TMBIM1: variants seen among roughly 807,000 people sequenced by gnomAD.
TMBIM1 encodes transmembrane BAX inhibitor motif containing 1, also known as protein lifeguard 3.
Under a neutral mutation model 45.1 loss-of-function variants are expected in TMBIM1, and 34 were observed. That is an observed-to-expected ratio of 0.75 (90% CI 0.57 to 1.00). The LOEUF (loss-of-function observed/expected upper bound fraction) is 1.00. Among genes scored for constraint, TMBIM1 ranks in the 50% least tolerant of loss-of-function variants. The pLI, the probability that TMBIM1 is intolerant of heterozygous loss-of-function variation, is 0.00. For synonymous variants in TMBIM1, 157 were observed against 153.5 expected (o/e 1.02, Z -0.17); for missense variants, 374 against 402.4 (o/e 0.93, Z 0.60).
At chr2:218,278,403 T>G in intron 6 of TMBIM1, 112 bp downstream of exon 6, 1 of 1,145,746 alleles carries the variant, frequency 8.7e-7, no homozygotes, top group African/African-American at 1.5e-5. Flanking sequence ...CTCCTCCTCA[T>G]TTCTTGTAAG....
intron 9 of TMBIM1, 39 bp downstream of exon 9, chr2:218,277,327 G>A (rs1035663488): frequency 2.5e-6 from 4 of 1,588,014 alleles, no homozygotes; most frequent in Non-Finnish European, 3.5e-6. Context: ...ATAAGAAAGG[G>A]GAGTCGGGGG....
chr2:218,288,385 C>T (rs1482019700), intron 1 of TMBIM1, among the ~76,000 whole-genome samples: 1 of 151,898 alleles, frequency 6.6e-6, no homozygotes, highest in Non-Finnish European at 1.5e-5. Flanking sequence ...GTCAAAATGG[C>T]GCCACTGCAC....
In TMBIM1 at chr2:218,276,257, C is replaced by T. The variant is rs115102659; in HGVS notation, c.736-178G>A. ...AAATTAAGACTGGTGATATATCCAG[C>T]AGAGAAAGCAGAGGCCATCCTGCAA... On this transcript the variant is annotated intron_variant, in intron 10 of 11. Coordinates refer to ENST00000258412, the MANE Select transcript of TMBIM1 (RefSeq NM_022152.6). Among the ~76,000 whole-genome samples, 773 of 152,260 alleles carry T rather than the reference C, an allele frequency of 5.1e-3. 9 individuals carry two copies. Among genetic ancestry groups the T allele is most frequent in the African/African-American group, 0.017 (725 of 41,540 alleles).
At chr2:218,290,470 G>A (rs1692861908) in intron 1 of TMBIM1, among the ~76,000 whole-genome samples, 1 of 152,156 alleles carries the variant, frequency 6.6e-6, no homozygotes, top group African/African-American at 2.4e-5. Flanking sequence ...GTCACATGAA[G>A]TACTAGACAT....
rs966396039 is a variant in TMBIM1, at chr2:218,274,537, G to A, written c.*938C>T. The A allele has an allele frequency of 6.5e-6, 1 of 154,738 alleles. No individual in the cohort carries two copies. Among genetic ancestry groups the A allele is most frequent in the African/African-American group, 2.4e-5 (1 of 41,504 alleles). The allele number at this position is 154,738 out of a possible 1,614,324, so 9.6% of individuals were successfully genotyped here. ...GTCTTCAGTACCACAGTAGGCTTCGGTATCTCCCTAGCCAGGTGAGGGACC... is the reference window on the plus strand; with the variant it reads ...GTCTTCAGTACCACAGTAGGCTTCGATATCTCCCTAGCCAGGTGAGGGACC... On this transcript the variant is annotated 3_prime_UTR_variant, in exon 12 of 12. Coordinates refer to ENST00000258412, the MANE Select transcript of TMBIM1 (RefSeq NM_022152.6).
At chr2:218,280,268 GTCT>G in intron 2 of TMBIM1, 142 bp from the exon 3 acceptor site, 1 of 660,716 alleles carries the variant, frequency 1.5e-6, no homozygotes, top group Non-Finnish European at 2.7e-6. Flanking sequence ...CCAAGCTGGG[GTCT>G]TCTAGACACC....
intron 3 of TMBIM1, chr2:218,279,680 G>C: frequency 2.0e-6 from 1 of 489,540 alleles, no homozygotes. Context: ...GAGATGGAGA[G>C]GGTGGGTTAC....
intron 1 of TMBIM1, among the ~76,000 whole-genome samples, chr2:218,288,361 G>A (rs1175680049): frequency 3.3e-5 from 5 of 152,182 alleles, no homozygotes; most frequent in East Asian, 3.9e-4. Flanking sequence ...CCCGGGAGGC[G>A]GAGCTTGCAG....
chr2:218,285,050 A>G lies in TMBIM1; in HGVS notation c.-40-2869T>C, dbSNP rs145496323. On this transcript the variant is annotated intron_variant, in intron 1 of 11. Transcript: ENST00000258412. Reference sequence around the variant, plus strand: ...GATTCCAGTGAGCCACAATCGTGCCACTGCACTCCAGCCTGGGTGACAGAG... The same window carrying G: ...GATTCCAGTGAGCCACAATCGTGCCGCTGCACTCCAGCCTGGGTGACAGAG... 2.5e-3 allele frequency among the ~76,000 whole-genome samples: 380 copies of G among 152,352 alleles called. 1 individual carries two copies. The highest frequency in any genetic ancestry group is 7.7e-3 in the African/African-American group (322 of 41,586).
rs569666869 is a variant in TMBIM1, at chr2:218,281,873, C to T, written c.202+67G>A. ...ACTAGAAGAGAAAAGGGGCAGGAGG[C>T]GGTGGCCTCATCTGCTCCAAGTGCT... On this transcript the variant is annotated intron_variant, in intron 2 of 11. Transcript: ENST00000258412. The T allele has an allele frequency of 7.8e-5, 97 of 1,239,230 alleles. No individual in the cohort carries two copies. The East Asian group carries it at 1.5e-3, about 20-fold the overall frequency. The allele number at this position is 1,239,230 out of a possible 1,614,324, so 76.8% of individuals were successfully genotyped here.
chr2:218,283,838 G>C (rs1447227794), intron 1 of TMBIM1, among the ~76,000 whole-genome samples: 1 of 152,150 alleles, frequency 6.6e-6, no homozygotes, highest in Admixed American at 6.5e-5. Context: ...CCCTAGAGGG[G>C]CTGGGATAGA....
intron 1 of TMBIM1, among the ~76,000 whole-genome samples, chr2:218,290,939 C>T (rs1297027956): frequency 6.6e-6 from 1 of 152,212 alleles, no homozygotes; most frequent in African/African-American, 2.4e-5. Flanking sequence ...TGAGCTTCCA[C>T]TCTCTGGTCG....
intron 3 of TMBIM1, among the ~76,000 whole-genome samples, 191 bp downstream of exon 3, chr2:218,279,835 G>A (rs1691686282): frequency 7.6e-6 from 1 of 131,080 alleles, no homozygotes; most frequent in African/African-American, 2.6e-5. Flanking sequence ...CAAGAAGAGA[G>A]GTGCAAAAAG....
At chr2:218,287,232 C>T (rs554447713) in intron 1 of TMBIM1, 1 of 152,304 alleles carries the variant, frequency 6.6e-6, no homozygotes, top group African/African-American at 2.4e-5. Flanking sequence ...ACAAGGAAAC[C>T]CCAGAGCCAA....
intron 2 of TMBIM1, chr2:218,280,517 A>G (rs923581433): frequency 4.1e-5 from 11 of 266,698 alleles, no homozygotes; most frequent in Non-Finnish European, 7.4e-5. Flanking sequence ...GGCAGAGCGC[A>G]GTTTGTGCAG....
chr2:218,278,415 T>G, intron 6 of TMBIM1, 100 bp downstream of exon 6: 1 of 1,229,472 alleles, frequency 8.1e-7, no homozygotes, highest in Non-Finnish European at 1.2e-6. Flanking sequence ...TCTTGTAAGT[T>G]TCCATTCAGC....
rs777629876 is a variant in TMBIM1 at position 218,275,509 on chromosome 2, G to T, written c.902C>A (p.Thr301Asn). 1.2e-6 allele frequency: 2 copies of T among 1,614,138 alleles called. No individual in the cohort carries two copies. The highest frequency in any genetic ancestry group is 2.2e-5 in the South Asian group (2 of 91,074). Reference sequence around the variant, plus strand: ...ATCCCCCATCAGCTGCAGCACAAAGGTGAAGATGTAGATGATGTCTGTGTA... The same window carrying T: ...ATCCCCCATCAGCTGCAGCACAAAGTTGAAGATGTAGATGATGTCTGTGTA... ...QIYTDIIYIF[T>N]FVLQLMGDRN The change falls in exon 12 of 12, where the codon ACC (threonine) becomes AAC (asparagine). Residue 301 changes from threonine to asparagine, a missense_variant. By Grantham distance (65) the Thr-to-Asn change is moderately conservative (BLOSUM62 0). Coordinates refer to ENST00000258412, the MANE Select transcript of TMBIM1 (RefSeq NM_022152.6).
Position 218,279,362 on chromosome 2 carries a change from A to G in TMBIM1, c.304-9T>C. 1 of 1,561,600 alleles carries G rather than the reference A, an allele frequency of 6.4e-7. No homozygotes were observed. The highest frequency in any genetic ancestry group is 1.2e-5 in the South Asian group (1 of 82,250). Reference sequence around the variant, plus strand: ...GAGATGATGGAGTAAACCTGGACACAGACGGCCGGGCATGGGTCACCATCC... The same window carrying G: ...GAGATGATGGAGTAAACCTGGACACGGACGGCCGGGCATGGGTCACCATCC... On this transcript the variant is annotated splice_polypyrimidine_tract_variant and intron_variant, in intron 3 of 11. Transcript: ENST00000258412.
intron 2 of TMBIM1, 67 bp from the exon 3 acceptor site, chr2:218,280,193 C>T (rs1691744144): frequency 1.7e-6 from 2 of 1,161,782 alleles, no homozygotes; most frequent in Non-Finnish European, 1.3e-6. Flanking sequence ...CAAAGCCTCC[C>T]TGACAATCTC....
Sources: allele counts gnomAD v4.1 joint callset (sites outside exome capture counted in the v4.1 genomes callset), GRCh38; gene constraint gnomAD v4.1.1; transcripts MANE v1.5; gene names NCBI Gene and HGNC (gene_info 2026-07-23, HGNC 2026-07-21).